KCNH6: variants seen among roughly 807,000 people sequenced by gnomAD.
The protein encoded by KCNH6 is voltage-gated inwardly rectifying potassium channel KCNH6.
Under a neutral mutation model 83.4 loss-of-function variants are expected in KCNH6, and 81 were observed. The ratio of observed to expected loss-of-function variants is 0.97; its 90% confidence interval spans 0.81 to 1.17. KCNH6 has a LOEUF of 1.17. Ranked by LOEUF, KCNH6 falls within the 50% of genes most tolerant of loss-of-function variation. The pLI, the probability that KCNH6 is intolerant of heterozygous loss-of-function variation, is 0.00. For missense variants in KCNH6, 1,203 were observed against 1,290.5 expected (o/e 0.93, Z 1.04); for synonymous variants, 503 against 545.6 (o/e 0.92, Z 1.09).
rs1597994773 is a variant in KCNH6, at chr17:63,536,010, T to C, written c.1443T>C (p.Asn481=). 1.9e-6 allele frequency: 3 copies of C among 1,613,892 alleles called. No individual in the cohort carries two copies. Among genetic ancestry groups the C allele is most frequent in the African/African-American group, 1.3e-5 (1 of 75,074 alleles). ...FSSLTSVGFG[N]VSPNTNSEKV... Reference sequence around the variant, plus strand: ...GCCTCACCAGCGTGGGCTTCGGCAATGTCTCGCCCAACACCAACTCCGAGA... The same window carrying C: ...GCCTCACCAGCGTGGGCTTCGGCAACGTCTCGCCCAACACCAACTCCGAGA... Residue 481 remains asparagine (N), a synonymous_variant, in exon 6 of 13, where the codon AAT becomes AAC. Transcript: ENST00000314672.
chr17:63,546,961 C>T (rs572518057), downstream of KCNH6, among the ~76,000 whole-genome samples: 77 of 152,300 alleles, frequency 5.1e-4, no homozygotes, highest in Non-Finnish European at 1.0e-3. Flanking sequence ...ACAGCCAACA[C>T]TTCGGTAGCA....
intron 8 of KCNH6, among the ~76,000 whole-genome samples, chr17:63,540,126 C>A (rs147913452): frequency 6.6e-6 from 1 of 152,186 alleles, no homozygotes; most frequent in Non-Finnish European, 1.5e-5. Flanking sequence ...TCCCTCACTC[C>A]CAGCCTACCT....
chr17:63,538,514 C>A lies in KCNH6; in HGVS notation c.1806C>A (p.Cys602Ter). The A allele has an allele frequency of 6.2e-7, 1 of 1,604,804 alleles. No individual in the cohort carries two copies. Residue 602 changes from cysteine to a stop codon, truncating the protein, a stop_gained, in exon 8 of 13, where the codon TGC (cysteine) becomes TGA (stop). Transcript: ENST00000314672. LOFTEE classifies it high-confidence loss of function. This position sits in a 1 kb window ranked among gnomAD's most constrained non-coding sequence, Gnocchi z 4.0. ...CPAFSGAGKG[C>*]LRALAVKFKT... ...CTTTCAGCGGCGCCGGCAAGGGCTG[C>A]CTGCGCGCGCTAGCCGTCAAGTTCA...
intron 11 of KCNH6, 84 bp downstream of exon 11, chr17:63,544,495 G>A: frequency 7.9e-7 from 1 of 1,269,412 alleles, no homozygotes; most frequent in Non-Finnish European, 1.0e-6. Context: ...TGCCAGGTGG[G>A]TTTTAGAATG....
chr17:63,527,071 G>A (rs575035117), intron 2 of KCNH6, among the ~76,000 whole-genome samples: 6 of 152,158 alleles, frequency 3.9e-5, no homozygotes, highest in South Asian at 2.1e-4. Flanking sequence ...GCACCTGCCC[G>A]GGAGCCCACC....
intron 9 of KCNH6, among the ~76,000 whole-genome samples, chr17:63,543,092 G>C (rs867495255): frequency 6.6e-6 from 1 of 152,274 alleles, no homozygotes; most frequent in Non-Finnish European, 1.5e-5. Context: ...AAACTAATGG[G>C]AAGAAGGGAG....
At position 63,542,337 on chromosome 17, in the gene KCNH6, A is replaced by G. The variant is rs150234573; in HGVS notation, c.2051A>G (p.Lys684Arg). The change falls in exon 9 of 13, where the codon AAG (lysine) becomes AGG (arginine). Residue 684 changes from lysine to arginine, a missense_variant. Lys to Arg is a conservative substitution (Grantham distance 26). Coordinates refer to ENST00000314672, the MANE Select transcript of KCNH6 (RefSeq NM_001278919.2). Reference sequence around the variant, plus strand: ...GCTCTGACCTACTGCGACCTGCACAAGATCCAGCGGGCAGATCTGCTGGAG... The same window carrying G: ...GCTCTGACCTACTGCGACCTGCACAGGATCCAGCGGGCAGATCTGCTGGAG... ...VRALTYCDLH[K>R]IQRADLLEVL... 3.4e-4 allele frequency: 550 copies of G among 1,614,160 alleles called. No individual in the cohort carries two copies. The highest frequency in any genetic ancestry group is 4.4e-4 in the Non-Finnish European group (521 of 1,180,028).
intron 4 of KCNH6, among the ~76,000 whole-genome samples, chr17:63,531,782 G>A (rs1251279771): frequency 4.6e-5 from 7 of 152,262 alleles, no homozygotes; most frequent in South Asian, 4.2e-4. Context: ...GAGAGTGGTC[G>A]GTAAAGACAG....
downstream of KCNH6, among the ~76,000 whole-genome samples, chr17:63,547,846 C>T (rs1451655583): frequency 6.6e-6 from 1 of 151,786 alleles, no homozygotes; most frequent in Non-Finnish European, 1.5e-5. Flanking sequence ...CCAGGTACTA[C>T]AGGGCTTGCT....
intron 8 of KCNH6, among the ~76,000 whole-genome samples, chr17:63,539,055 C>T (rs2032712310): frequency 6.6e-6 from 1 of 152,172 alleles, no homozygotes. Flanking sequence ...CAGTCTCATT[C>T]AGTGCAGACA....
rs1417693483 is a variant in KCNH6, at chr17:63,534,712, C to G, written c.1101+401C>G. Among the ~76,000 whole-genome samples the G allele has an allele frequency of 6.6e-6, 1 of 152,164 alleles. No homozygotes were observed. The highest frequency in any genetic ancestry group is 1.5e-5 in the Non-Finnish European group (1 of 68,020). On this transcript the variant is annotated intron_variant, in intron 5 of 12. Transcript: ENST00000314672. The surrounding 1 kb of genome is among the most constrained non-coding windows in gnomAD (Gnocchi z 5.0). ...GCTCCCTAGCCCTCCACTATGTCCA[C>G]CTGGCTGCCCATAGGTGACGTGAAG...
intron 8 of KCNH6, among the ~76,000 whole-genome samples, chr17:63,541,123 T>C (rs2032832996): frequency 6.6e-6 from 1 of 152,178 alleles, no homozygotes; most frequent in African/African-American, 2.4e-5. Context: ...GGGAGGGTCC[T>C]TGTGGGTGGC....
At position 63,534,547 on chromosome 17, in the gene KCNH6, G is replaced by C. The variant is rs2032354608; in HGVS notation, c.1101+236G>C. ...TCTGCCCCCTCTCTGAGCAGGCCCT[G>C]GTAAGAGGAGCAGGCTGCCCCTTCC... On this transcript the variant is annotated intron_variant, in intron 5 of 12. Transcript: ENST00000314672. This position sits in a 1 kb window ranked among gnomAD's most constrained non-coding sequence, Gnocchi z 5.0. Among the ~76,000 whole-genome samples the C allele has an allele frequency of 6.6e-6, 1 of 151,926 alleles. No individual in the cohort carries two copies. The highest frequency in any genetic ancestry group is 2.1e-4 in the South Asian group (1 of 4,808).
rs188644881 is a variant in KCNH6, at chr17:63,530,657, C to A, written c.675+115C>A. On this transcript the variant is annotated intron_variant, in intron 4 of 12. Coordinates refer to ENST00000314672, the MANE Select transcript of KCNH6 (RefSeq NM_001278919.2). ...GGCCGATAAAGAGATCCTGCCTGTC[C>A]AGCCTCTAATATCTGGTTTGAGCCC... The A allele has an allele frequency of 1.3e-4, 119 of 900,018 alleles. 1 individual carries two copies. In the African/African-American group the frequency reaches 1.8e-3, roughly 13 times the overall value. 55.8% of individuals were successfully genotyped at this position (900,018 alleles called of 1,614,324 possible). A position where few individuals can be genotyped will look rare whatever the true frequency, so the allele number is the denominator to read the frequency against.
Position 63,544,336 on chromosome 17 carries a change from G to C in KCNH6, c.2321G>C (p.Ser774Thr). ...ATGCCCCCAAGGCACAGCCCCCAAA[G>C]CCCTCAGGAAGACCCAGATTGCTGG... ...QEMPPRHSPQ[S>T]PQEDPDCWPL... The change falls in exon 11 of 13, where the codon AGC becomes ACC. Residue 774 changes from serine (S) to threonine (T), a missense_variant. Transcript: ENST00000314672. 6.2e-7 allele frequency: 1 copy of C among 1,612,346 alleles called. No individual in the cohort carries two copies. Among genetic ancestry groups the C allele is most frequent in the Non-Finnish European group, 8.5e-7 (1 of 1,179,202 alleles).
intron 2 of KCNH6, 96 bp from the exon 3 acceptor site, chr17:63,529,995 T>G: frequency 7.3e-7 from 1 of 1,376,230 alleles, no homozygotes; most frequent in Non-Finnish European, 1.0e-6. Flanking sequence ...GTGGCTGCCC[T>G]TCACTTGACC....
chr17:63,529,126 C>T (rs910700560), intron 2 of KCNH6, among the ~76,000 whole-genome samples: 6 of 152,232 alleles, frequency 3.9e-5, no homozygotes, highest in African/African-American at 1.4e-4. Flanking sequence ...TGAGCCACCA[C>T]GCCCGGCCAG....
intron 10 of KCNH6, chr17:63,543,937 C>A: frequency 1.2e-6 from 1 of 820,142 alleles, no homozygotes; most frequent in Non-Finnish European, 1.9e-6. Flanking sequence ...GGTTCCACAC[C>A]AAGGCATCAG....
At chr17:63,543,776 G>C in intron 10 of KCNH6, 116 bp downstream of exon 10, 3 of 712,378 alleles carry the variant, frequency 4.2e-6, no homozygotes, top group Non-Finnish European at 7.6e-6. Context: ...GAGTGGAGAG[G>C]GGCTCCCTCT....
Sources: allele counts gnomAD v4.1 joint callset (sites outside exome capture counted in the v4.1 genomes callset), GRCh38; gene constraint gnomAD v4.1.1; non-coding constraint Gnocchi (gnomAD v3.1); transcripts MANE v1.5; gene names NCBI Gene and HGNC (gene_info 2026-07-23, HGNC 2026-07-21).